CNBD1: variants seen among roughly 807,000 people sequenced by gnomAD.
CNBD1 encodes the protein cyclic nucleotide binding domain containing 1, also known as cyclic nucleotide-binding domain-containing protein 1.
Under a neutral mutation model 54.4 loss-of-function variants are expected in CNBD1, and 71 were observed. The ratio of observed to expected loss-of-function variants is 1.30; its 90% CI spans 1.08 to 1.59. The LOEUF is 1.59. Among genes scored for constraint, CNBD1 ranks in the 40% most tolerant of loss-of-function variants. The pLI, the probability that CNBD1 is intolerant of heterozygous loss-of-function variation, is 0.00. For synonymous variants in CNBD1, 182 were observed against 170.7 expected (o/e 1.07, Z -0.51); for missense variants, 659 against 518.0 (o/e 1.27, Z -2.64).
intron 8 of CNBD1, among the ~76,000 whole-genome samples, chr8:87,327,757 C>T (rs573621369): frequency 1.1e-4 from 16 of 152,274 alleles, no homozygotes; most frequent in African/African-American, 2.9e-4. Flanking sequence ...AGAAATCACC[C>T]GTCTTCTGCG....
rs112378823 is a variant in CNBD1 at position 87,214,317 on chromosome 8, C to T, written c.577+8179C>T. ...CTCAAAGTTCCACAGTCCTCTAGGG[C>T]GGGGGCAAAATGCTGCCAGTCTCTG... On this transcript the variant is annotated intron_variant, in intron 5 of 10. Transcript: ENST00000518476. Among the ~76,000 whole-genome samples, 54 of 152,256 alleles carry T rather than the reference C, an allele frequency of 3.5e-4. 1 individual carries two copies. Among genetic ancestry groups the T allele is most frequent in the African/African-American group, 9.6e-4 (40 of 41,552 alleles).
intron 4 of CNBD1, among the ~76,000 whole-genome samples, chr8:87,018,393 G>T (rs1007011404): frequency 2.6e-5 from 4 of 151,980 alleles, no homozygotes; most frequent in Non-Finnish European, 4.4e-5. Flanking sequence ...TAAAAAAGGT[G>T]GCTAAAAAAA....
chr8:87,286,673 T>C lies in CNBD1; in HGVS notation c.1042+2T>C. 1.3e-6 allele frequency: 2 copies of C among 1,537,266 alleles called. No individual in the cohort carries two copies. Among genetic ancestry groups the C allele is most frequent in the East Asian group, 4.9e-5 (2 of 40,670 alleles). On this transcript the variant is annotated splice_donor_variant, in intron 8 of 10. Coordinates refer to ENST00000518476, the MANE Select transcript of CNBD1 (RefSeq NM_173538.3). LOFTEE classifies it high-confidence loss of function. Reference sequence around the variant, plus strand: ...GGAAAAAATTTCCTCCAGGTCATGGTAAGTTTAATGCAATTTAGATCATTT... The same window carrying C: ...GGAAAAAATTTCCTCCAGGTCATGGCAAGTTTAATGCAATTTAGATCATTT...
At chr8:87,369,261 A>C (rs994791373) in intron 10 of CNBD1, among the ~76,000 whole-genome samples, 22 of 151,986 alleles carry the variant, frequency 1.4e-4, no homozygotes, top group African/African-American at 4.3e-4. Flanking sequence ...CCCTGAACTC[A>C]AGTGTAAGAT....
chr8:86,887,684 A>G, intron 2 of CNBD1, 73 bp downstream of exon 2: 1 of 1,074,860 alleles, frequency 9.3e-7, no homozygotes, highest in Non-Finnish European at 1.4e-6. Context: ...GATAAAGTAT[A>G]GTAATAAACC....
intron 6 of CNBD1, among the ~76,000 whole-genome samples, chr8:87,252,242 T>C (rs1476928536): frequency 6.6e-6 from 1 of 152,162 alleles, no homozygotes; most frequent in Non-Finnish European, 1.5e-5. Context: ...TTTACTTAAA[T>C]GAGAAGCAAA....
At chr8:87,261,221 A>G (rs1174012727) in intron 6 of CNBD1, among the ~76,000 whole-genome samples, 1 of 152,056 alleles carries the variant, frequency 6.6e-6, no homozygotes, top group Non-Finnish European at 1.5e-5. Context: ...AGAGCTCAAA[A>G]CACAAATCTG....
At chr8:86,868,877 G>A (rs2453433) in intron 1 of CNBD1, among the ~76,000 whole-genome samples, 8,443 of 152,124 alleles carry the variant, frequency 0.056, 324 homozygotes, top group Middle Eastern at 0.095. Context: ...CTTGAGATGG[G>A]AGAATATTCC....
intron 2 of CNBD1, among the ~76,000 whole-genome samples, chr8:87,420,605 C>T (rs1807913893): frequency 6.6e-6 from 1 of 151,892 alleles, no homozygotes; most frequent in Admixed American, 6.6e-5. Context: ...AGAGACAACC[C>T]CATTTCAAAT....
chr8:86,916,299 A>T (rs1294057348), intron 3 of CNBD1, among the ~76,000 whole-genome samples: 1 of 152,178 alleles, frequency 6.6e-6, no homozygotes, highest in Non-Finnish European at 1.5e-5. Flanking sequence ...AAGAGGGCCA[A>T]GTGGGCAACA....
At chr8:86,953,559 C>A (rs1346516633) in intron 4 of CNBD1, among the ~76,000 whole-genome samples, 1 of 152,116 alleles carries the variant, frequency 6.6e-6, no homozygotes, top group Non-Finnish European at 1.5e-5. Flanking sequence ...AGATCAAACA[C>A]CACCTTACTC....
At chr8:87,206,490 A>G (rs944184351) in intron 5 of CNBD1, among the ~76,000 whole-genome samples, 2 of 152,144 alleles carry the variant, frequency 1.3e-5, no homozygotes, top group African/African-American at 2.4e-5. Flanking sequence ...AGGTGATGCC[A>G]CCAGTGCAGG....
At chr8:87,041,377 A>T (rs1455778036) in intron 4 of CNBD1, among the ~76,000 whole-genome samples, 1 of 152,176 alleles carries the variant, frequency 6.6e-6, no homozygotes, top group Non-Finnish European at 1.5e-5. Context: ...TAAAAGTCTC[A>T]GGCAGAAACT....
At chr8:87,341,642 A>G (rs1024954542) in intron 8 of CNBD1, among the ~76,000 whole-genome samples, 2 of 152,262 alleles carry the variant, frequency 1.3e-5, no homozygotes, top group East Asian at 1.9e-4. Flanking sequence ...GATTGGTGCA[A>G]TCATAAATGG....
intron 4 of CNBD1, among the ~76,000 whole-genome samples, chr8:86,976,023 T>G (rs1808332831): frequency 6.6e-6 from 1 of 151,620 alleles, no homozygotes; most frequent in South Asian, 2.1e-4. Context: ...CCACGCATAT[T>G]TTTTTTGAAA....
Position 86,994,483 on chromosome 8 carries a change from A to C in CNBD1, c.431+54729A>C, listed in dbSNP as rs1476654864. On this transcript the variant is annotated intron_variant, in intron 4 of 10. Transcript: ENST00000518476. ...TGGAATCCTGGGGGATAGGGTGCCT[A>C]TGGGCACAAAGGCCTCTGGCTCCAT... Among the ~76,000 whole-genome samples, 4 of 152,220 alleles carry C rather than the reference A, an allele frequency of 2.6e-5. No individual in the cohort carries two copies. The East Asian group carries it at 7.7e-4, about 29-fold the overall frequency.
At chr8:87,247,212 T>C (rs994256268) in intron 6 of CNBD1, among the ~76,000 whole-genome samples, 2 of 152,174 alleles carry the variant, frequency 1.3e-5, no homozygotes, top group African/African-American at 4.8e-5. Context: ...TCTCAAGCAG[T>C]TGATTCGCTT....
rs113157803 is a variant in CNBD1 at position 86,954,657 on chromosome 8, T to A, written c.431+14903T>A. 1.5e-3 allele frequency among the ~76,000 whole-genome samples: 221 copies of A among 152,312 alleles called. 2 individuals carry two copies. The highest frequency in any genetic ancestry group is 2.8e-3 in the Non-Finnish European group (189 of 68,024). On this transcript the variant is annotated intron_variant, in intron 4 of 10. Coordinates refer to ENST00000518476, the MANE Select transcript of CNBD1 (RefSeq NM_173538.3). ...GTATGTAAATCTATTTTCAGTAGAC[T>A]CCACTACATGTTATAATGGTAGCTC...
chr8:87,397,723 G>T (rs1342750697), intron 2 of CNBD1, among the ~76,000 whole-genome samples: 1 of 151,884 alleles, frequency 6.6e-6, no homozygotes, highest in African/African-American at 2.4e-5. Context: ...TTATCATCTG[G>T]TATAGTCTAG....
Sources: gnomAD v4.1 joint callset for allele counts (sites outside exome capture counted in the v4.1 genomes callset) on GRCh38, gnomAD v4.1.1 for gene constraint, MANE v1.5 for transcripts, NCBI Gene and HGNC (gene_info 2026-07-23, HGNC 2026-07-21) for gene names.